The following ARHGAP15 variants were observed in gnomAD, a reference collection of about 807,000 sequenced individuals.
ARHGAP15 encodes Rho GTPase activating protein 15.
Under a neutral mutation model 63.7 loss-of-function variants are expected in ARHGAP15, and 51 were observed. That is an observed-to-expected ratio of 0.80 (90% confidence interval 0.64 to 1.01). The LOEUF is 1.01. ARHGAP15 is among the 50% of genes least tolerant of loss of function. The pLI is 0.00. For synonymous variants in ARHGAP15, 191 were observed against 193.8 expected (o/e 0.99, Z 0.12); for missense variants, 560 against 564.6 (o/e 0.99, Z 0.08).
At chr2:143,431,882 AGGGTG>A (rs1461047586) in intron 6 of ARHGAP15, among the ~76,000 whole-genome samples, 1 of 152,008 alleles carries the variant, frequency 6.6e-6, no homozygotes, top group Non-Finnish European at 1.5e-5. Context: ...TGCAATCAGA[AGGGTG>A]GGGCTCTCAA....
intron 6 of ARHGAP15, among the ~76,000 whole-genome samples, chr2:143,337,636 T>A (rs1309512680): frequency 6.6e-6 from 1 of 152,190 alleles, no homozygotes; most frequent in South Asian, 2.1e-4. Context: ...TAACACCTTC[T>A]GGAGTTCTCT....
At chr2:143,267,331 G>C (rs564657757) in intron 6 of ARHGAP15, among the ~76,000 whole-genome samples, 23 of 152,252 alleles carry the variant, frequency 1.5e-4, no homozygotes, top group African/African-American at 5.1e-4. Context: ...GTAATTGATG[G>C]TAACATAATG....
chr2:143,177,045 T>A (rs891825226), intron 2 of ARHGAP15, among the ~76,000 whole-genome samples: 4 of 152,070 alleles, frequency 2.6e-5, no homozygotes, highest in Non-Finnish European at 5.9e-5. Flanking sequence ...TCTTAAGGAG[T>A]CACTTTCTTG....
intron 8 of ARHGAP15, among the ~76,000 whole-genome samples, chr2:143,452,923 TTTAA>T (rs1690474138): frequency 6.6e-6 from 1 of 151,996 alleles, no homozygotes; most frequent in Admixed American, 6.6e-5. Flanking sequence ...AAGGAAATTA[TTTAA>T]TTTTTACCCA....
chr2:143,560,905 G>A (rs1285129671), intron 11 of ARHGAP15, among the ~76,000 whole-genome samples: 4 of 152,220 alleles, frequency 2.6e-5, no homozygotes, highest in Admixed American at 6.5e-5. Flanking sequence ...GTTGAATTTG[G>A]TGACAGCTTT....
chr2:143,417,680 C>A lies in ARHGAP15; in HGVS notation c.475-17921C>A, dbSNP rs571911695. On this transcript the variant is annotated intron_variant, in intron 6 of 13. Transcript: ENST00000295095. ...TATGACCAAAGTGGTATCTGCCAAGCCCATATGTTTCAACTTGAGCGATAC... is the reference window on the plus strand; with the variant it reads ...TATGACCAAAGTGGTATCTGCCAAGACCATATGTTTCAACTTGAGCGATAC... Among the ~76,000 whole-genome samples the A allele has an allele frequency of 2.0e-5, 3 of 152,236 alleles. No homozygotes were observed. The East Asian group carries it at 5.8e-4, about 29-fold the overall frequency.
intron 6 of ARHGAP15, among the ~76,000 whole-genome samples, chr2:143,265,572 C>T (rs1463145380): frequency 3.3e-5 from 5 of 152,044 alleles, no homozygotes; most frequent in Non-Finnish European, 7.4e-5. Context: ...AATATGAAGT[C>T]TGTTTGCATT....
intron 8 of ARHGAP15, among the ~76,000 whole-genome samples, chr2:143,467,548 A>G (rs1691290370): frequency 6.6e-6 from 1 of 152,054 alleles, no homozygotes; most frequent in South Asian, 2.1e-4. Context: ...TTTGTTACTG[A>G]TTTAAAAAAT....
At chr2:143,765,764 A>C (rs1189422196) in intron 13 of ARHGAP15, among the ~76,000 whole-genome samples, 1 of 152,080 alleles carries the variant, frequency 6.6e-6, no homozygotes, top group Non-Finnish European at 1.5e-5. Flanking sequence ...AGACACTGAC[A>C]GTGATGCTTC....
At chr2:143,765,960 T>C (rs965846354) in intron 13 of ARHGAP15, among the ~76,000 whole-genome samples, 1 of 152,150 alleles carries the variant, frequency 6.6e-6, no homozygotes, top group Non-Finnish European at 1.5e-5. Context: ...AGTTGATTAT[T>C]ATTAATATTG....
intron 6 of ARHGAP15, among the ~76,000 whole-genome samples, chr2:143,413,971 G>GCGCGCACT (rs147891307): frequency 1.4e-5 from 2 of 147,640 alleles, no homozygotes; most frequent in Non-Finnish European, 3.0e-5. Context: ...GTGTGTGCGC[G>GCGCGCACT]CTCTCTGGCA....
intron 6 of ARHGAP15, among the ~76,000 whole-genome samples, chr2:143,332,151 G>A (rs1239351242): frequency 6.6e-6 from 1 of 151,964 alleles, no homozygotes. Flanking sequence ...ATTAGATCAT[G>A]GTATCAATTC....
chr2:143,726,845 AAAG>A (rs1161777023), intron 13 of ARHGAP15, among the ~76,000 whole-genome samples: 2 of 152,234 alleles, frequency 1.3e-5, no homozygotes, highest in African/African-American at 2.4e-5. Context: ...CTGCTGCAAG[AAAG>A]AAGTAGAAGA....
intron 11 of ARHGAP15, among the ~76,000 whole-genome samples, chr2:143,591,614 CTT>C (rs67060048): frequency 8.1e-6 from 1 of 124,108 alleles, no homozygotes; most frequent in African/African-American, 2.8e-5. Context: ...TTTGTTTGTT[CTT>C]TTTTTTTTTT....
chr2:143,307,634 T>TG (rs1683234438), intron 6 of ARHGAP15, among the ~76,000 whole-genome samples: 1 of 152,044 alleles, frequency 6.6e-6, no homozygotes, highest in Non-Finnish European at 1.5e-5. Context: ...ATTTTCAGTG[T>TG]GAAAAGAGAG....
At chr2:143,684,032 G>GTGTC (rs1454527644) in intron 12 of ARHGAP15, among the ~76,000 whole-genome samples, 1 of 151,796 alleles carries the variant, frequency 6.6e-6, no homozygotes. Context: ...AAAAATTCCA[G>GTGTC]TGTCTTAGCC....
At chr2:143,570,323 C>T (rs1247148007) in intron 11 of ARHGAP15, among the ~76,000 whole-genome samples, 3 of 152,160 alleles carry the variant, frequency 2.0e-5, no homozygotes, top group Non-Finnish European at 4.4e-5. Context: ...ATTTTAAATC[C>T]TATGTTTACA....
chr2:143,132,430 G>T (rs1688949190), intron 1 of ARHGAP15, among the ~76,000 whole-genome samples: 2 of 152,208 alleles, frequency 1.3e-5, no homozygotes, highest in African/African-American at 4.8e-5. Flanking sequence ...GTCTCTAGTG[G>T]AAGCTCTCAC....
chr2:143,433,321 TG>T (rs1689469033), intron 6 of ARHGAP15, among the ~76,000 whole-genome samples: 1 of 152,188 alleles, frequency 6.6e-6, no homozygotes, highest in African/African-American at 2.4e-5. Context: ...GCATTTAAAC[TG>T]TAGAGAGCAG....
Sources: gnomAD v4.1 joint callset for allele counts (sites outside exome capture counted in the v4.1 genomes callset) on GRCh38, gnomAD v4.1.1 for gene constraint, MANE v1.5 for transcripts, NCBI Gene and HGNC (gene_info 2026-07-23, HGNC 2026-07-21) for gene names.